SEMA3D: variants seen among roughly 807,000 people sequenced by gnomAD.
SEMA3D encodes semaphorin 3D.
A neutral mutation model predicts 100.1 loss-of-function variants in SEMA3D; 84 were observed. The observed-to-expected ratio is 0.84, with a 90% CI of 0.70 to 1.01. SEMA3D has a LOEUF of 1.01. Ranked by LOEUF, SEMA3D falls within the 50% of genes least tolerant of loss-of-function variation. The pLI is 0.00. For synonymous variants in SEMA3D, 312 were observed against 320.7 expected, an observed-to-expected ratio of 0.97 and a Z score of 0.29; for missense variants, 875 against 934.1, an observed-to-expected ratio of 0.94 and a Z score of 0.82.
At chr7:85,144,983 T>C (rs1285062112) in intron 2 of SEMA3D, among the ~76,000 whole-genome samples, 1 of 152,166 alleles carries the variant, frequency 6.6e-6, no homozygotes, top group Non-Finnish European at 1.5e-5. Context: ...TTTGGTTTGG[T>C]TTAATTTTAT....
chr7:85,240,370 T>G, the SEMA3D span, among the ~76,000 whole-genome samples: 1 of 152,168 alleles, frequency 6.6e-6, no homozygotes, highest in Non-Finnish European at 1.5e-5. Flanking sequence ...TGATGTATTA[T>G]TTTTTGTATG....
chr7:85,121,214 T>C (rs1789404891), intron 3 of SEMA3D, among the ~76,000 whole-genome samples: 1 of 152,210 alleles, frequency 6.6e-6, no homozygotes. Flanking sequence ...ACTTTGCTTT[T>C]ATATCAAACA....
chr7:85,018,607 C>A (rs969617513), intron 14 of SEMA3D, among the ~76,000 whole-genome samples: 9 of 151,738 alleles, frequency 5.9e-5, no homozygotes, highest in Non-Finnish European at 1.0e-4. Context: ...ATCTTAACTG[C>A]TTCCATATAA....
intron 8 of SEMA3D, among the ~76,000 whole-genome samples, chr7:85,062,702 G>A (rs1791510168): frequency 6.6e-6 from 1 of 151,972 alleles, no homozygotes; most frequent in South Asian, 2.1e-4. Context: ...TCAAAACTAA[G>A]GCTTACATAT....
At chr7:85,107,805 A>G (rs1325683264) in intron 3 of SEMA3D, among the ~76,000 whole-genome samples, 18 of 152,034 alleles carry the variant, frequency 1.2e-4, no homozygotes. Context: ...TATAGATTTT[A>G]TCAAGCAAGT....
At chr7:85,048,651 G>A (rs1489773315) in intron 9 of SEMA3D, among the ~76,000 whole-genome samples, 1 of 151,700 alleles carries the variant, frequency 6.6e-6, no homozygotes, top group Non-Finnish European at 1.5e-5. Flanking sequence ...GTTTTCTTTT[G>A]CAATACTTGC....
intron 1 of SEMA3D, among the ~76,000 whole-genome samples, chr7:85,178,773 G>C (rs994145786): frequency 1.3e-5 from 2 of 152,214 alleles, no homozygotes; most frequent in Non-Finnish European, 1.5e-5. Flanking sequence ...AATGTCTCCA[G>C]GGCATGTCAG....
chr7:85,054,366 G>T (rs916208495), intron 9 of SEMA3D, among the ~76,000 whole-genome samples: 1 of 151,960 alleles, frequency 6.6e-6, no homozygotes, highest in Non-Finnish European at 1.5e-5. Context: ...TCAGGGTCAG[G>T]ATACTGTTGC....
intron 2 of SEMA3D, among the ~76,000 whole-genome samples, chr7:85,124,973 A>G (rs1789523874): frequency 6.6e-6 from 1 of 151,976 alleles, no homozygotes. Flanking sequence ...TCCTTCCATT[A>G]TTTCTTGTAT....
chr7:85,151,842 A>AT (rs1394656182), intron 2 of SEMA3D: 1 of 536,938 alleles, frequency 1.9e-6, no homozygotes, highest in Non-Finnish European at 2.4e-6. Flanking sequence ...TGTAAAAAAA[A>AT]GTTTTTTGAC....
intron 1 of SEMA3D, among the ~76,000 whole-genome samples, chr7:85,171,758 A>G (rs1304122086): frequency 1.3e-5 from 2 of 152,066 alleles, no homozygotes; most frequent in Non-Finnish European, 2.9e-5. Flanking sequence ...CGTATTCACT[A>G]AAGTAATAAA....
chr7:84,998,047 A>T lies in SEMA3D; in HGVS notation c.*1393T>A, dbSNP rs1351037262. On this transcript the variant is annotated 3_prime_UTR_variant, in exon 19 of 19. Transcript: ENST00000284136. ...TTATTTATTGTTAAATTACAAAAACAATACTACAATTACAACAGATTAACT... is the reference window on the plus strand; with the variant it reads ...TTATTTATTGTTAAATTACAAAAACTATACTACAATTACAACAGATTAACT... 2 of 152,156 alleles carry T rather than the reference A, an allele frequency of 1.3e-5. No homozygotes were observed. Among genetic ancestry groups the T allele is most frequent in the African/African-American group, 2.4e-5 (1 of 41,458 alleles). The allele number at this position is 152,156 out of a possible 1,614,324, so 9.4% of individuals were successfully genotyped here.
At chr7:85,217,382 A>C in the SEMA3D span, among the ~76,000 whole-genome samples, 1 of 152,086 alleles carries the variant, frequency 6.6e-6, no homozygotes, top group Non-Finnish European at 1.5e-5. Flanking sequence ...AAAAAGATAA[A>C]GGTGAGTGAT....
At chr7:85,008,242 G>A (rs1450805362) in intron 17 of SEMA3D, among the ~76,000 whole-genome samples, 3 of 151,752 alleles carry the variant, frequency 2.0e-5, no homozygotes, top group South Asian at 2.1e-4. Context: ...GGGATATGGG[G>A]CAAGGGTTCA....
At position 85,012,130 on chromosome 7, in the gene SEMA3D, A is replaced by G. The variant is rs1789972446; in HGVS notation, c.1768+652T>C. 2.0e-5 allele frequency among the ~76,000 whole-genome samples: 3 copies of G among 151,430 alleles called. 1 individual carries two copies. In the South Asian group the frequency reaches 6.2e-4, roughly 31 times the overall value. On this transcript the variant is annotated intron_variant, in intron 17 of 18. Transcript: ENST00000284136. The stretch of plus-strand genomic sequence containing the variant: ...ACACTGGCCTTCTCCTTCTTTCAAG[A>G]TCTTCTATTCTGTGATTAATTTTTC...
At chr7:85,236,322 T>TTTAC in the SEMA3D span, among the ~76,000 whole-genome samples, 1 of 147,004 alleles carries the variant, frequency 6.8e-6, no homozygotes, top group South Asian at 2.2e-4. Flanking sequence ...TATTTATTTA[T>TTTAC]TTAGAGATGG....
chr7:85,048,961 G>A (rs930563142), intron 9 of SEMA3D, among the ~76,000 whole-genome samples: 5 of 151,604 alleles, frequency 3.3e-5, no homozygotes, highest in African/African-American at 4.8e-5. Context: ...TATGGATACC[G>A]TTTCTCTTTA....
At chr7:85,101,252 AT>A (rs1446118704) in intron 3 of SEMA3D, among the ~76,000 whole-genome samples, 1 of 152,048 alleles carries the variant, frequency 6.6e-6, no homozygotes, top group African/African-American at 2.4e-5. Flanking sequence ...AATCAAAAAT[AT>A]GTAAAAGCAT....
At chr7:85,044,886 A>G (rs1790963342) in intron 9 of SEMA3D, among the ~76,000 whole-genome samples, 1 of 152,076 alleles carries the variant, frequency 6.6e-6, no homozygotes, top group Non-Finnish European at 1.5e-5. Flanking sequence ...TCTTGTAGAC[A>G]ATGCACTCCC....
Sources: allele counts gnomAD v4.1 joint callset (sites outside exome capture counted in the v4.1 genomes callset), GRCh38; gene constraint gnomAD v4.1.1; transcripts MANE v1.5; gene names NCBI Gene and HGNC (gene_info 2026-07-23, HGNC 2026-07-21).